Variants in KCNQ1 observed in about 807,000 individuals in gnomAD.
KCNQ1 encodes the protein potassium voltage-gated channel subfamily Q member 1.
KCNQ1 carries 49 observed loss-of-function variants against 72.4 expected under a neutral mutation model. That is an observed-to-expected ratio of 0.68 (90% CI 0.54 to 0.86). The LOEUF (loss-of-function observed/expected upper bound fraction) is 0.86, where lower values mean the gene tolerates loss of function less well. Ranked by LOEUF, KCNQ1 falls within the 40% of genes least tolerant of loss-of-function variation. KCNQ1 has a pLI of 0.00. For missense variants in KCNQ1, 790 were observed against 945.1 expected (o/e 0.84, Z 2.15); for synonymous variants, 450 against 412.6 (o/e 1.09, Z -1.10).
At chr11:2,753,982 A>G (rs1846263153) in intron 11 of KCNQ1, among the ~76,000 whole-genome samples, 1 of 152,232 alleles carries the variant, frequency 6.6e-6, no homozygotes, top group South Asian at 2.1e-4. Context: ...GCATTGACCC[A>G]ATTAAAAAAT....
chr11:2,752,052 G>A lies in KCNQ1; in HGVS notation c.1515-16792G>A, dbSNP rs1392002848. 6.6e-6 allele frequency among the ~76,000 whole-genome samples: 1 copy of A among 152,242 alleles called. No homozygotes were observed. The highest frequency in any genetic ancestry group is 1.9e-4 in the East Asian group (1 of 5,198). The stretch of plus-strand genomic sequence containing the variant: ...TACTGCCCTGTCCTCCCCACGCCCT[G>A]AGGGGCCGTCCTAGGCAGCACTCAC... On this transcript the variant is annotated intron_variant, in intron 11 of 15. Transcript: ENST00000155840. The surrounding 1 kb of genome is among the most constrained non-coding windows in gnomAD (Gnocchi z 5.2).
At chr11:2,610,716 CTTTT>C (rs1167505141) in intron 10 of KCNQ1, 5,829 of 223,954 alleles carry the variant, frequency 0.026, no homozygotes, top group Non-Finnish European at 0.029. Context: ...TCTTGGTTGG[CTTTT>C]TTTTTTTTTT....
chr11:2,829,314 G>GA (rs1425767404), intron 15 of KCNQ1, among the ~76,000 whole-genome samples: 8 of 147,600 alleles, frequency 5.4e-5, no homozygotes, highest in Non-Finnish European at 9.0e-5. Flanking sequence ...AATCCCAGAA[G>GA]AAAAAAAAAA....
intron 15 of KCNQ1, among the ~76,000 whole-genome samples, chr11:2,845,084 AC>A (rs1848295208): frequency 6.6e-6 from 1 of 151,814 alleles, no homozygotes; most frequent in African/African-American, 2.4e-5. Flanking sequence ...ACCTCCCATG[AC>A]CCCTACCAGG....
chr11:2,739,892 G>A (rs888756018), intron 11 of KCNQ1, among the ~76,000 whole-genome samples: 1 of 152,270 alleles, frequency 6.6e-6, no homozygotes, highest in African/African-American at 2.4e-5. Flanking sequence ...CTATGGGTCG[G>A]GACAGAGGCC....
chr11:2,626,476 A>G lies in KCNQ1; in HGVS notation c.1394-35485A>G. 5.0e-6 allele frequency: 2 copies of G among 398,590 alleles called. No homozygotes were observed. Among genetic ancestry groups the G allele is most frequent in the East Asian group, 3.6e-5 (1 of 28,078 alleles). 24.7% of individuals were successfully genotyped at this position (398,590 alleles called of 1,614,324 possible). The stretch of plus-strand genomic sequence containing the variant: ...TCTCTATTCAATTCCATTGGTCTCT[A>G]CATCTTTATGTCAATACCACATAGT... On this transcript the variant is annotated intron_variant, in intron 10 of 15. Transcript: ENST00000155840. The surrounding 1 kb of genome is among the most constrained non-coding windows in gnomAD (Gnocchi z 4.0).
At chr11:2,686,790 C>A in intron 11 of KCNQ1, 1 of 398,698 alleles carries the variant, frequency 2.5e-6, no homozygotes, top group Non-Finnish European at 4.4e-6. Context: ...CTATGATGCA[C>A]AAGCAGCCCC....
At chr11:2,838,519 C>G (rs934469647) in intron 15 of KCNQ1, among the ~76,000 whole-genome samples, 1 of 152,024 alleles carries the variant, frequency 6.6e-6, no homozygotes, top group Non-Finnish European at 1.5e-5. Flanking sequence ...GGAAGGGAGG[C>G]GAGAGGAAGT....
chr11:2,456,452 C>T (rs2133574496), intron 1 of KCNQ1, among the ~76,000 whole-genome samples: 1 of 152,082 alleles, frequency 6.6e-6, no homozygotes, highest in South Asian at 2.1e-4. Context: ...ACTAAAAATT[C>T]ACAAGTGGGA....
At position 2,668,473 on chromosome 11, in the gene KCNQ1, C is replaced by A. The variant is rs2133865429; in HGVS notation, c.1514+6392C>A. 2 of 398,596 alleles carry A rather than the reference C, an allele frequency of 5.0e-6. No homozygotes were observed. Among genetic ancestry groups the A allele is most frequent in the East Asian group, 3.6e-5 (1 of 28,070 alleles). The allele number at this position is 398,596 out of a possible 1,614,324, so 24.7% of individuals were successfully genotyped here. ...TAACACTTGGCATTTTCCGTCGTTT[C>A]CTTTTCAGCCATGATGGTGAATGTC... On this transcript the variant is annotated intron_variant, in intron 11 of 15. Transcript: ENST00000155840. The surrounding 1 kb of genome is among the most constrained non-coding windows in gnomAD (Gnocchi z 4.3).
In KCNQ1 at chr11:2,668,367, A is replaced by G. The variant is rs1449285346; in HGVS notation, c.1514+6286A>G. 1 of 398,484 alleles carries G rather than the reference A, an allele frequency of 2.5e-6. No individual in the cohort carries two copies. Among genetic ancestry groups the G allele is most frequent in the Admixed American group, 4.4e-5 (1 of 22,716 alleles). The allele number at this position is 398,484 out of a possible 1,614,324, so 24.7% of individuals were successfully genotyped here. On this transcript the variant is annotated intron_variant, in intron 11 of 15. Coordinates refer to ENST00000155840, the MANE Select transcript of KCNQ1 (RefSeq NM_000218.3). The surrounding 1 kb of genome is among the most constrained non-coding windows in gnomAD (Gnocchi z 4.3). ...CCTGGGTGGGCATATGTTTACTCTT[A>G]GTGAATACTACCCAGCAGTCTACCA...
chr11:2,514,612 G>A (rs1039892070), intron 1 of KCNQ1, among the ~76,000 whole-genome samples: 1 of 152,228 alleles, frequency 6.6e-6, no homozygotes, highest in Admixed American at 6.5e-5. Flanking sequence ...GGATCACGAG[G>A]TCAGGAGATC....
At position 2,661,552 on chromosome 11, in the gene KCNQ1, G is replaced by T; in HGVS notation, c.1394-409G>T. 1.9e-6 allele frequency: 1 copy of T among 534,552 alleles called. No homozygotes were observed. Among genetic ancestry groups the T allele is most frequent in the Non-Finnish European group, 3.3e-6 (1 of 301,916 alleles). The allele number at this position is 534,552 out of a possible 1,614,324, so 33.1% of individuals were successfully genotyped here. On this transcript the variant is annotated intron_variant, in intron 10 of 15. Coordinates refer to ENST00000155840, the MANE Select transcript of KCNQ1 (RefSeq NM_000218.3). The surrounding 1 kb of genome is among the most constrained non-coding windows in gnomAD (Gnocchi z 5.9). ...TTTCCTGACCCACTACTCTGTCAAT[G>T]TATGAGTGTGACAATGTATGGTGGT... is the stretch of plus-strand genomic sequence containing the variant.
At chr11:2,758,115 G>A (rs934391197) in intron 11 of KCNQ1, among the ~76,000 whole-genome samples, 1 of 152,114 alleles carries the variant, frequency 6.6e-6, no homozygotes, top group African/African-American at 2.4e-5. Context: ...CAGTGAAGGG[G>A]ATAAAAATGC....
At chr11:2,727,075 C>G (rs911338453) in intron 11 of KCNQ1, among the ~76,000 whole-genome samples, 1 of 152,216 alleles carries the variant, frequency 6.6e-6, no homozygotes, top group African/African-American at 2.4e-5. Context: ...GTTAGGTTTG[C>G]TTCTACCTCT....
In KCNQ1 at chr11:2,642,876, G is replaced by A. The variant is rs1170498103; in HGVS notation, c.1394-19085G>A. The A allele has an allele frequency of 2.5e-6, 1 of 397,470 alleles. No individual in the cohort carries two copies. Among genetic ancestry groups the A allele is most frequent in the Non-Finnish European group, 4.4e-6 (1 of 225,570 alleles). The allele number at this position is 397,470 out of a possible 1,614,324, so 24.6% of individuals were successfully genotyped here. ...GAATGTTGTGCTTCTATTTTCACTT[G>A]TTTCAGTAAATTTTTTATTTCTGCC... On this transcript the variant is annotated intron_variant, in intron 10 of 15. Transcript: ENST00000155840. This position sits in a 1 kb window ranked among gnomAD's most constrained non-coding sequence, Gnocchi z 4.3.
chr11:2,714,911 C>T (rs1218235360), intron 11 of KCNQ1, among the ~76,000 whole-genome samples: 1 of 151,770 alleles, frequency 6.6e-6, no homozygotes, highest in Non-Finnish European at 1.5e-5. Context: ...TGCTCTCCAG[C>T]TCGTCAGTGT....
At chr11:2,736,939 G>T (rs1845968561) in intron 11 of KCNQ1, among the ~76,000 whole-genome samples, 1 of 152,220 alleles carries the variant, frequency 6.6e-6, no homozygotes, top group Non-Finnish European at 1.5e-5. Flanking sequence ...CCAGCCGAGG[G>T]TGGCTGAGGA....
chr11:2,666,728 A>G (rs1341224530), intron 11 of KCNQ1: 4 of 398,672 alleles, frequency 1.0e-5, no homozygotes, highest in Non-Finnish European at 1.3e-5. Context: ...CTACTCCCAC[A>G]GACCCCAGGG....
Sources: allele counts gnomAD v4.1 joint callset (sites outside exome capture counted in the v4.1 genomes callset), GRCh38; gene constraint gnomAD v4.1.1; non-coding constraint Gnocchi (gnomAD v3.1); transcripts MANE v1.5; gene names NCBI Gene and HGNC (gene_info 2026-07-23, HGNC 2026-07-21).